TBC1D4: variants seen among roughly 807,000 people sequenced by gnomAD.
The protein encoded by TBC1D4 is TBC1 domain family member 4.
TBC1D4 carries 121 observed loss-of-function variants against 142.5 expected under a neutral mutation model. The ratio of observed to expected loss-of-function variants is 0.85; its 90% CI spans 0.73 to 0.99. TBC1D4 has a LOEUF of 0.99. Ranked by LOEUF, TBC1D4 falls within the 50% of genes least tolerant of loss-of-function variation. TBC1D4 has a pLI of 0.00. For missense variants in TBC1D4, 1,475 were observed against 1,606.6 expected, an observed-to-expected ratio of 0.92 and a Z score of 1.40; for synonymous variants, 630 against 628.2, an observed-to-expected ratio of 1.00 and a Z score of -0.04.
intron 8 of TBC1D4, among the ~76,000 whole-genome samples, chr13:75,333,535 T>G (rs376877775): frequency 6.6e-6 from 1 of 152,168 alleles, no homozygotes. Context: ...TACAAAAATT[T>G]TTTTTCCCCA....
rs551364592 is a variant in TBC1D4 at position 75,300,935 on chromosome 13, C to G, written c.2911+1308G>C. On this transcript the variant is annotated intron_variant, in intron 16 of 20. Transcript: ENST00000377636. ...ACCACAATTAGTGGCACAATCAGCA[C>G]AAAAACTCATTTTCAGTTTCTCTGT... 3.9e-5 allele frequency among the ~76,000 whole-genome samples: 6 copies of G among 152,310 alleles called. No homozygotes were observed. In the South Asian group the frequency reaches 1.2e-3, roughly 32 times the overall value.
chr13:75,366,961 A>C (rs1882948597), intron 1 of TBC1D4: 2 of 985,300 alleles, frequency 2.0e-6, no homozygotes, highest in Non-Finnish European at 2.4e-6. Flanking sequence ...ACGAAGAGCA[A>C]TGATTTTGCC....
intron 14 of TBC1D4, among the ~76,000 whole-genome samples, chr13:75,309,002 C>T (rs1877470332): frequency 6.6e-6 from 1 of 151,996 alleles, no homozygotes; most frequent in Admixed American, 6.6e-5. Context: ...ATGTGGAATA[C>T]CTATACTAAA....
chr13:75,356,049 T>A, intron 4 of TBC1D4, 98 bp downstream of exon 4: 1 of 875,890 alleles, frequency 1.1e-6, no homozygotes, highest in Non-Finnish European at 1.9e-6. Context: ...TCTTTTCCCA[T>A]AGATAGCCAT....
chr13:75,405,918 A>AT (rs935183099), intron 1 of TBC1D4, among the ~76,000 whole-genome samples: 6 of 152,072 alleles, frequency 3.9e-5, no homozygotes, highest in Non-Finnish European at 7.4e-5. Flanking sequence ...GTGTCATTTT[A>AT]TTTTTTGTCT....
chr13:75,408,622 T>C (rs935110809), intron 1 of TBC1D4, among the ~76,000 whole-genome samples: 5 of 152,312 alleles, frequency 3.3e-5, no homozygotes, highest in African/African-American at 9.6e-5. Context: ...GGTAACTCTA[T>C]GTTTAACCTT....
At chr13:75,324,151 C>G in intron 11 of TBC1D4, 86 bp downstream of exon 11, 1 of 1,508,338 alleles carries the variant, frequency 6.6e-7, no homozygotes, top group Non-Finnish European at 9.2e-7. Context: ...AAATGTCACT[C>G]CAAAATTAAT....
chr13:75,464,651 G>A (rs569567781), intron 1 of TBC1D4, among the ~76,000 whole-genome samples: 1 of 152,290 alleles, frequency 6.6e-6, no homozygotes, highest in South Asian at 2.1e-4. Flanking sequence ...CTGGGTTAGG[G>A]TCTTCACAAC....
intron 1 of TBC1D4, among the ~76,000 whole-genome samples, chr13:75,437,983 G>A (rs891445744): frequency 6.6e-6 from 1 of 152,068 alleles, no homozygotes; most frequent in Non-Finnish European, 1.5e-5. Flanking sequence ...AACATTCTTG[G>A]CCAAGAAAAT....
intron 12 of TBC1D4, among the ~76,000 whole-genome samples, chr13:75,319,233 G>T (rs925681288): frequency 6.6e-6 from 1 of 152,134 alleles, no homozygotes; most frequent in Non-Finnish European, 1.5e-5. Flanking sequence ...TCAGTCTAGT[G>T]CGATACTTAA....
intron 1 of TBC1D4, among the ~76,000 whole-genome samples, chr13:75,428,239 C>A (rs902625644): frequency 6.6e-6 from 1 of 152,044 alleles, no homozygotes. Flanking sequence ...CAGTAAAATG[C>A]TTCGTGTCAT....
Position 75,289,056 on chromosome 13 carries a change from C to T in TBC1D4, c.3541G>A (p.Val1181Met). 1 of 1,613,904 alleles carries T rather than the reference C, an allele frequency of 6.2e-7. No homozygotes were observed. Among genetic ancestry groups the T allele is most frequent in the Non-Finnish European group, 8.5e-7 (1 of 1,179,898 alleles). The change falls in exon 20 of 21, where the codon GTG becomes ATG. Residue 1181 changes from valine (V) to methionine (M), a missense_variant. By Grantham distance (21) the Val-to-Met change is conservative. Around this residue, in one of 2 missense-constraint regions of TBC1D4, gnomAD observed 248 missense variants for 338.9 expected, o/e 0.73. Coordinates refer to ENST00000377636, the MANE Select transcript of TBC1D4 (RefSeq NM_014832.5). The stretch of plus-strand genomic sequence containing the variant: ...GATTCCTGAAGCTCATCCTGTAGCA[C>T]ATGATATTCCACCTCATAGGCATGC... ...QLHAYEVEYH[V>M]LQDELQESSY...
chr13:75,419,751 T>C (rs9530435), intron 1 of TBC1D4, among the ~76,000 whole-genome samples: 102,429 of 152,124 alleles, frequency 0.67, 40,347 homozygotes, highest in East Asian at 0.98. Context: ...AATCAAAAAA[T>C]CTTCGCTGAG....
chr13:75,326,061 C>A, intron 10 of TBC1D4, 136 bp downstream of exon 10: 1 of 1,000,044 alleles, frequency 1.0e-6, no homozygotes, highest in South Asian at 1.4e-5. Context: ...AATGAGGTAA[C>A]TTAATTTGTT....
intron 16 of TBC1D4, among the ~76,000 whole-genome samples, chr13:75,301,644 CA>C (rs35184321): frequency 3.9e-3 from 478 of 123,914 alleles, no homozygotes; most frequent in Middle Eastern, 8.4e-3. Flanking sequence ...GACTCCATCT[CA>C]AAAAAAAAAA....
At chr13:75,353,144 G>A (rs750905641) in intron 4 of TBC1D4, among the ~76,000 whole-genome samples, 28 of 152,132 alleles carry the variant, frequency 1.8e-4, no homozygotes, top group Non-Finnish European at 3.2e-4. Flanking sequence ...AGTCAAGTCT[G>A]TTGCCTTAGT....
intron 1 of TBC1D4, among the ~76,000 whole-genome samples, chr13:75,371,435 A>C (rs962868058): frequency 3.9e-5 from 6 of 152,226 alleles, no homozygotes; most frequent in Non-Finnish European, 7.3e-5. Context: ...GAAAGGCAGA[A>C]TAGAAAGGCA....
chr13:75,305,901 GATTA>G (rs1443802332), intron 15 of TBC1D4, among the ~76,000 whole-genome samples: 1 of 152,000 alleles, frequency 6.6e-6, no homozygotes, highest in Admixed American at 6.6e-5. Flanking sequence ...AAAATTGATT[GATTA>G]CTTAGCCAGA....
At position 75,286,753 on chromosome 13, in the gene TBC1D4, T is replaced by C. The variant is rs374895180; in HGVS notation, c.*39A>G. 3.8e-6 allele frequency: 6 copies of C among 1,593,070 alleles called. No individual in the cohort carries two copies. Among genetic ancestry groups the C allele is most frequent in the Non-Finnish European group, 5.1e-6 (6 of 1,165,460 alleles). ...ATGCAGGCTCTTCCTCTCTGTAGTA[T>C]TCTAAGGAGCACTTTCTGCTGAGGC... On this transcript the variant is annotated 3_prime_UTR_variant, in exon 21 of 21. Transcript: ENST00000377636.
Sources: allele counts gnomAD v4.1 joint callset (sites outside exome capture counted in the v4.1 genomes callset), GRCh38; gene constraint gnomAD v4.1.1; regional missense constraint gnomAD v4.1.1; transcripts MANE v1.5; gene names NCBI Gene and HGNC (gene_info 2026-07-23, HGNC 2026-07-21).